Variants in SLC24A2 observed in about 807,000 individuals in gnomAD.
SLC24A2 encodes the protein solute carrier family 24 member 2.
Under a neutral mutation model 62.0 loss-of-function variants are expected in SLC24A2, and 36 were observed. The observed-to-expected ratio is 0.58, with a 90% CI of 0.44 to 0.77. The LOEUF (loss-of-function observed/expected upper bound fraction) is 0.77, where lower values mean the gene tolerates loss of function less well. Ranked by LOEUF, SLC24A2 falls within the 30% of genes least tolerant of loss-of-function variation. The pLI, the probability that SLC24A2 is intolerant of heterozygous loss-of-function variation, is 0.00. For missense variants in SLC24A2, 846 were observed against 817.9 expected (o/e 1.03, Z -0.42); for synonymous variants, 358 against 294.0 (o/e 1.22, Z -2.23).
the SLC24A2 span, among the ~76,000 whole-genome samples, chr9:19,869,673 G>A: frequency 2.0e-5 from 3 of 152,096 alleles, no homozygotes; most frequent in African/African-American, 2.4e-5. Context: ...AAAAAGCTGT[G>A]TCCTTTTCCT....
At chr9:19,901,658 C>T in the SLC24A2 span, among the ~76,000 whole-genome samples, 1 of 152,252 alleles carries the variant, frequency 6.6e-6, no homozygotes, top group South Asian at 2.1e-4. Context: ...TTGGTGGAGA[C>T]TTAATATTGT....
chr9:19,881,269 G>A, the SLC24A2 span, among the ~76,000 whole-genome samples: 3 of 152,146 alleles, frequency 2.0e-5, no homozygotes, highest in Admixed American at 6.6e-5. Flanking sequence ...GACTAGACGA[G>A]ACTTAAGAGT....
chr9:20,063,642 T>C, the SLC24A2 span, among the ~76,000 whole-genome samples: 1 of 151,728 alleles, frequency 6.6e-6, no homozygotes, highest in African/African-American at 2.4e-5. Flanking sequence ...TAAAGTATAA[T>C]AATAAAAAAA....
the SLC24A2 span, among the ~76,000 whole-genome samples, chr9:20,264,225 G>A: frequency 6.6e-6 from 1 of 152,176 alleles, no homozygotes; most frequent in Non-Finnish European, 1.5e-5. Context: ...CTGCACCTCA[G>A]TTTCCACACC....
chr9:19,960,731 T>G, the SLC24A2 span, among the ~76,000 whole-genome samples: 3 of 152,158 alleles, frequency 2.0e-5, no homozygotes, highest in African/African-American at 7.2e-5. Flanking sequence ...ACTAGCTGTG[T>G]GATCTTAGGC....
the SLC24A2 span, among the ~76,000 whole-genome samples, chr9:19,827,047 C>T: frequency 1.1e-4 from 16 of 152,282 alleles, no homozygotes; most frequent in Middle Eastern, 3.4e-3. Flanking sequence ...CTTTCCTACA[C>T]TCTTGCTTCC....
chr9:20,143,656 T>A, the SLC24A2 span, among the ~76,000 whole-genome samples: 1 of 152,196 alleles, frequency 6.6e-6, no homozygotes, highest in Non-Finnish European at 1.5e-5. Context: ...TGAAAATAGG[T>A]TTATGTCAGA....
chr9:19,990,656 A>C, the SLC24A2 span, among the ~76,000 whole-genome samples: 1 of 151,082 alleles, frequency 6.6e-6, no homozygotes, highest in African/African-American at 2.4e-5. Flanking sequence ...AAGGAAAAGA[A>C]AAAGAAAATA....
the SLC24A2 span, among the ~76,000 whole-genome samples, chr9:19,894,701 C>A: frequency 1.4e-4 from 22 of 152,034 alleles, no homozygotes; most frequent in African/African-American, 2.2e-4. Flanking sequence ...ACAGAAAAGA[C>A]AATAGAAAAA....
At chr9:19,884,122 T>A in the SLC24A2 span, among the ~76,000 whole-genome samples, 1 of 152,356 alleles carries the variant, frequency 6.6e-6, no homozygotes. Flanking sequence ...CATACACTAA[T>A]TATCCCTCAC....
the SLC24A2 span, among the ~76,000 whole-genome samples, chr9:20,032,593 T>C: frequency 6.6e-6 from 1 of 152,228 alleles, no homozygotes; most frequent in South Asian, 2.1e-4. Context: ...ACGGTAACTA[T>C]GTTCCTTCAC....
the SLC24A2 span, among the ~76,000 whole-genome samples, chr9:20,152,118 GT>G: frequency 2.6e-5 from 4 of 151,812 alleles, no homozygotes; most frequent in Non-Finnish European, 1.5e-5. Flanking sequence ...ATCAACATTT[GT>G]GAAAGCTAAC....
At chr9:20,270,259 G>T in the SLC24A2 span, among the ~76,000 whole-genome samples, 1 of 152,106 alleles carries the variant, frequency 6.6e-6, no homozygotes. Flanking sequence ...TCAAATTTCA[G>T]CATGCATTTT....
the SLC24A2 span, among the ~76,000 whole-genome samples, chr9:20,089,313 A>G: frequency 1.3e-5 from 2 of 152,092 alleles, no homozygotes; most frequent in Admixed American, 6.5e-5. Flanking sequence ...AGGGCTATCC[A>G]ACCTGGGACT....
chr9:19,867,689 A>G, the SLC24A2 span, among the ~76,000 whole-genome samples: 1 of 152,098 alleles, frequency 6.6e-6, no homozygotes, highest in African/African-American at 2.4e-5. Flanking sequence ...GCAGGCAGAT[A>G]ACGAGGTCAA....
chr9:20,238,032 T>A, the SLC24A2 span, among the ~76,000 whole-genome samples: 1 of 151,740 alleles, frequency 6.6e-6, no homozygotes, highest in African/African-American at 2.4e-5. Context: ...TGACTTGGAG[T>A]CATCTTGGCT....
the SLC24A2 span, among the ~76,000 whole-genome samples, chr9:20,268,947 G>A: frequency 6.6e-6 from 1 of 152,184 alleles, no homozygotes; most frequent in Non-Finnish European, 1.5e-5. Flanking sequence ...TCAACAGCCA[G>A]CTAACAAGAG....
the SLC24A2 span, among the ~76,000 whole-genome samples, chr9:20,027,155 G>A: frequency 6.6e-6 from 1 of 151,488 alleles, no homozygotes; most frequent in Non-Finnish European, 1.5e-5. Flanking sequence ...ATTATCAAAA[G>A]GACAAAGATA....
intron 8 of SLC24A2, among the ~76,000 whole-genome samples, chr9:19,533,292 T>A (rs1586905501): frequency 6.6e-6 from 1 of 152,280 alleles, no homozygotes; most frequent in African/African-American, 2.4e-5. Flanking sequence ...TATTAGTTAA[T>A]TTTTCCCCTC....
Sources: allele counts gnomAD v4.1 joint callset (sites outside exome capture counted in the v4.1 genomes callset), GRCh38; gene constraint gnomAD v4.1.1; transcripts MANE v1.5; gene names NCBI Gene and HGNC (gene_info 2026-07-23, HGNC 2026-07-21).